The following CALM3 variants were observed in gnomAD, a reference collection of about 807,000 sequenced individuals.
The protein encoded by CALM3 is calmodulin 3, also known as calmodulin-3.
A neutral mutation model predicts 20.1 loss-of-function variants in CALM3; 5 were observed. The observed-to-expected ratio is 0.25, with a 90% CI of 0.13 to 0.52. The LOEUF (loss-of-function observed/expected upper bound fraction) is 0.52. CALM3 is among the 20% of genes least tolerant of loss of function. The pLI, the probability that CALM3 is intolerant of heterozygous loss-of-function variation, is 0.96. For missense variants in CALM3, 57 were observed against 192.8 expected (o/e 0.30, Z 4.17); for synonymous variants, 69 against 68.1 (o/e 1.01, Z -0.06).
rs565677645 is a variant in CALM3 at position 46,608,101 on chromosome 19, CCCTTGGCCTTCCT to C, written c.35-93_35-81del. ...TCAGTTTCTTTAGGTGGGACTGATG[CCCTTGGCCTTCCT>C]CCAGGGAAGGCATCCAGCATCCAGA... On this transcript the variant is annotated intron_variant, in intron 2 of 5. Transcript: ENST00000291295. The surrounding 1 kb of genome is among the most constrained non-coding windows in gnomAD (Gnocchi z 5.5). 2.5e-4 allele frequency: 298 copies of C among 1,197,128 alleles called. 1 individual carries two copies. The African/African-American group carries it at 4.3e-3, about 17-fold the overall frequency. The allele number at this position is 1,197,128 out of a possible 1,614,324, so 74.2% of individuals were successfully genotyped here. A position where few individuals can be genotyped will look rare whatever the true frequency, so the allele number is the denominator to read the frequency against.
In CALM3 at chr19:46,609,528, TG is replaced by T; in HGVS notation, c.*379del. Reference sequence around the variant, plus strand: ...TTGTTTGTCATCTTATTTTGGGTGCTGGGGTGGCTGCCAGCCCTGTCCCGGG... The same window carrying T: ...TTGTTTGTCATCTTATTTTGGGTGCTGGGTGGCTGCCAGCCCTGTCCCGGG... On this transcript the variant is annotated 3_prime_UTR_variant, in exon 6 of 6. Transcript: ENST00000291295. 1 of 274,430 alleles carries T rather than the reference TG, an allele frequency of 3.6e-6. No homozygotes were observed. The highest frequency in any genetic ancestry group is 5.0e-5 in the South Asian group (1 of 20,050). The allele number at this position is 274,430 out of a possible 1,614,324, so 17.0% of individuals were successfully genotyped here.
chr19:46,604,500 C>A (rs1251592569), intron 1 of CALM3, among the ~76,000 whole-genome samples: 3 of 151,906 alleles, frequency 2.0e-5, no homozygotes, highest in Non-Finnish European at 2.9e-5. Flanking sequence ...TTTTGATTAC[C>A]CCTCCCATTC....
In CALM3 at chr19:46,609,386, A is replaced by ATC; in HGVS notation, c.*234_*235dup. 1.7e-6 allele frequency: 1 copy of ATC among 596,770 alleles called. No individual in the cohort carries two copies. The highest frequency in any genetic ancestry group is 2.1e-5 in the South Asian group (1 of 48,252). The allele number at this position is 596,770 out of a possible 1,614,324, so 37.0% of individuals were successfully genotyped here. On this transcript the variant is annotated 3_prime_UTR_variant, in exon 6 of 6. Transcript: ENST00000291295. ...TCTTCCTTTTGCCCTCGCCTCTTCC[A>ATC]TCCATGTCTTCCAAGGCCTGATGCA... is the stretch of plus-strand genomic sequence containing the variant.
intron 2 of CALM3, among the ~76,000 whole-genome samples, chr19:46,606,754 C>A (rs936759648): frequency 5.9e-5 from 9 of 152,180 alleles, no homozygotes; most frequent in African/African-American, 1.4e-4. Flanking sequence ...TGTGTAATTA[C>A]AGATCCGTGC....
chr19:46,607,005 C>T (rs1971756514), intron 2 of CALM3, among the ~76,000 whole-genome samples: 1 of 152,220 alleles, frequency 6.6e-6, no homozygotes, highest in Admixed American at 6.5e-5. Flanking sequence ...TTTCTCCCCT[C>T]AACCCGCATC....
rs1341768382 is a variant in CALM3, at chr19:46,609,058, GT to G, written c.422-65del. On this transcript the variant is annotated intron_variant, in intron 5 of 5. Coordinates refer to ENST00000291295, the MANE Select transcript of CALM3 (RefSeq NM_005184.4). ...AGGAACAAGCCCCCAGATCCCTCTT[GT>G]TGGGGAGGGCCGCTCGCCACTTAGC... The G allele has an allele frequency of 4.3e-6, 7 of 1,613,142 alleles. No individual in the cohort carries two copies. The African/African-American group carries it at 8.0e-5, about 18-fold the overall frequency.
chr19:46,606,096 C>T (rs1416775396), intron 2 of CALM3: 3 of 483,528 alleles, frequency 6.2e-6, no homozygotes, highest in Admixed American at 3.7e-5. Context: ...GTGTTCCTCT[C>T]CTGGGCCTGG....
In CALM3 at chr19:46,609,407, A is replaced by T. The variant is rs1469896995; in HGVS notation, c.*254A>T. ...TTCCATCCATGTCTTCCAAGGCCTG[A>T]TGCATTCATAAGTTGAAGCCCTCCC... On this transcript the variant is annotated 3_prime_UTR_variant, in exon 6 of 6. Transcript: ENST00000291295. 4 of 570,808 alleles carry T rather than the reference A, an allele frequency of 7.0e-6. No homozygotes were observed. The highest frequency in any genetic ancestry group is 9.4e-6 in the Non-Finnish European group (3 of 320,298). 35.4% of individuals were successfully genotyped at this position (570,808 alleles called of 1,614,324 possible).
At position 46,609,254 on chromosome 19, in the gene CALM3, A is replaced by C; in HGVS notation, c.*101A>C. 9.6e-7 allele frequency: 1 copy of C among 1,040,506 alleles called. No homozygotes were observed. The highest frequency in any genetic ancestry group is 1.5e-6 in the Non-Finnish European group (1 of 681,582). The allele number at this position is 1,040,506 out of a possible 1,614,324, so 64.5% of individuals were successfully genotyped here. A position where few individuals can be genotyped will look rare whatever the true frequency, so the allele number is the denominator to read the frequency against. On this transcript the variant is annotated 3_prime_UTR_variant, in exon 6 of 6. Coordinates refer to ENST00000291295, the MANE Select transcript of CALM3 (RefSeq NM_005184.4). Reference sequence around the variant, plus strand: ...CCCCTGCGTACCCCGGTTCTAGCAAACACCAATTGATTGACTGAGAATCTG... The same window carrying C: ...CCCCTGCGTACCCCGGTTCTAGCAACCACCAATTGATTGACTGAGAATCTG...
upstream of CALM3, chr19:46,601,150 G>C: frequency 1.6e-6 from 1 of 612,882 alleles, no homozygotes; most frequent in Non-Finnish European, 2.7e-6. The surrounding 1 kb of genome is among the most constrained non-coding windows in gnomAD (Gnocchi z 4.2). Context: ...TGTGCAGGGT[G>C]GGGACGAGAG....
Position 46,601,458 on chromosome 19 carries a change from G to A in CALM3, c.3+21G>A. On this transcript the variant is annotated intron_variant, in intron 1 of 5. Transcript: ENST00000291295. This position sits in a 1 kb window ranked among gnomAD's most constrained non-coding sequence, Gnocchi z 4.2. ...CCATGGTGAGTGAGGCTGGGGGGTC[G>A]CCGAGGCTGCGGGCTCTGAGGCGGG... 1 of 1,488,674 alleles carries A rather than the reference G, an allele frequency of 6.7e-7. No individual in the cohort carries two copies. The highest frequency in any genetic ancestry group is 8.9e-7 in the Non-Finnish European group (1 of 1,119,070). The allele number at this position is 1,488,674 out of a possible 1,614,324, so 92.2% of individuals were successfully genotyped here. A position where few individuals can be genotyped will look rare whatever the true frequency, so the allele number is the denominator to read the frequency against.
rs902082630 is a variant in CALM3, at chr19:46,609,219, C to T, written c.*66C>T. The T allele has an allele frequency of 2.6e-5, 38 of 1,449,792 alleles. No individual in the cohort carries two copies. The Middle Eastern group carries it at 5.2e-4, about 20-fold the overall frequency. The allele number at this position is 1,449,792 out of a possible 1,614,324, so 89.8% of individuals were successfully genotyped here. The stretch of plus-strand genomic sequence containing the variant: ...CTCTCTTCTCGCGCGCGCACTCTCT[C>T]TTCAACACTCCCCTGCGTACCCCGG... On this transcript the variant is annotated 3_prime_UTR_variant, in exon 6 of 6. Transcript: ENST00000291295.
intron 2 of CALM3, among the ~76,000 whole-genome samples, chr19:46,606,802 G>C (rs1049874554): frequency 1.3e-5 from 2 of 152,172 alleles, no homozygotes; most frequent in East Asian, 1.9e-4. Flanking sequence ...CGAGGACAGA[G>C]AGCAACTCTT....
Position 46,609,945 on chromosome 19 carries a change from C to G in CALM3, c.*792C>G, listed in dbSNP as rs1056904952. 2.0e-5 allele frequency: 3 copies of G among 152,794 alleles called. No homozygotes were observed. In the Admixed American group the frequency reaches 2.0e-4, roughly 10 times the overall value. The allele number at this position is 152,794 out of a possible 1,614,324, so 9.5% of individuals were successfully genotyped here. Reference sequence around the variant, plus strand: ...TTCTGTAAATACCTGGTGCTAACATCCCATGCCGCTCCCTCCTCACGATGC... The same window carrying G: ...TTCTGTAAATACCTGGTGCTAACATGCCATGCCGCTCCCTCCTCACGATGC... On this transcript the variant is annotated 3_prime_UTR_variant, in exon 6 of 6. Coordinates refer to ENST00000291295, the MANE Select transcript of CALM3 (RefSeq NM_005184.4).
Position 46,605,926 on chromosome 19 carries a change from G to A in CALM3, c.34+69G>A. 1 of 1,406,698 alleles carries A rather than the reference G, an allele frequency of 7.1e-7. No individual in the cohort carries two copies. Among genetic ancestry groups the A allele is most frequent in the South Asian group, 1.2e-5 (1 of 86,698 alleles). The allele number at this position is 1,406,698 out of a possible 1,614,324, so 87.1% of individuals were successfully genotyped here. On this transcript the variant is annotated intron_variant, in intron 2 of 5. Transcript: ENST00000291295. The surrounding 1 kb of genome is among the most constrained non-coding windows in gnomAD (Gnocchi z 4.1). ...CATCCCCAGCCAAATCTTAGCCACTGAGGAGTGACATCTGATGGGTGAACC... is the reference window on the plus strand; with the variant it reads ...CATCCCCAGCCAAATCTTAGCCACTAAGGAGTGACATCTGATGGGTGAACC...
chr19:46,605,695 A>C lies in CALM3; in HGVS notation c.4-132A>C, dbSNP rs1971727802. 1 of 787,114 alleles carries C rather than the reference A, an allele frequency of 1.3e-6. No individual in the cohort carries two copies. Among genetic ancestry groups the C allele is most frequent in the South Asian group, 1.5e-5 (1 of 65,744 alleles). 48.8% of individuals were successfully genotyped at this position (787,114 alleles called of 1,614,324 possible). A position where few individuals can be genotyped will look rare whatever the true frequency, so the allele number is the denominator to read the frequency against. On this transcript the variant is annotated intron_variant, in intron 1 of 5. Coordinates refer to ENST00000291295, the MANE Select transcript of CALM3 (RefSeq NM_005184.4). This position sits in a 1 kb window ranked among gnomAD's most constrained non-coding sequence, Gnocchi z 4.1. Reference sequence around the variant, plus strand: ...CTCTGCCTCAGACCCTGACTCTGGCATGCTCCTCCCTGGCCCGGCGGGAAT... The same window carrying C: ...CTCTGCCTCAGACCCTGACTCTGGCCTGCTCCTCCCTGGCCCGGCGGGAAT...
At position 46,601,959 on chromosome 19, in the gene CALM3, G is replaced by C. The variant is rs1359333246; in HGVS notation, c.3+522G>C. ...TAGCTGGGCCCGGGCGGGGAGGGGCGACCCCTGGGCTCCTGTGGAGCAGAG... is the reference window on the plus strand; with the variant it reads ...TAGCTGGGCCCGGGCGGGGAGGGGCCACCCCTGGGCTCCTGTGGAGCAGAG... On this transcript the variant is annotated intron_variant, in intron 1 of 5. Transcript: ENST00000291295. The surrounding 1 kb of genome is among the most constrained non-coding windows in gnomAD (Gnocchi z 4.2). The C allele has an allele frequency of 7.6e-5, 40 of 525,614 alleles. No individual in the cohort carries two copies. The highest frequency in any genetic ancestry group is 1.1e-4 in the Admixed American group (3 of 26,504). 32.6% of individuals were successfully genotyped at this position (525,614 alleles called of 1,614,324 possible). A position where few individuals can be genotyped will look rare whatever the true frequency, so the allele number is the denominator to read the frequency against.
At chr19:46,602,194 G>C (rs751478167) in intron 1 of CALM3, 1 of 1,355,812 alleles carries the variant, frequency 7.4e-7, no homozygotes, top group Non-Finnish European at 9.8e-7. Flanking sequence ...GGGTCGTGGA[G>C]GTGGTGAAAA....
chr19:46,609,170 T>G lies in CALM3; in HGVS notation c.*17T>G, dbSNP rs763262846. 1 of 1,613,314 alleles carries G rather than the reference T, an allele frequency of 6.2e-7. No homozygotes were observed. The highest frequency in any genetic ancestry group is 1.1e-5 in the South Asian group (1 of 90,954). On this transcript the variant is annotated 3_prime_UTR_variant, in exon 6 of 6. Coordinates refer to ENST00000291295, the MANE Select transcript of CALM3 (RefSeq NM_005184.4). Reference sequence around the variant, plus strand: ...GCAAAGTGAAGGCCCCCCGGGCAGCTGGCGATGCCCGTTCTCTTGATCTCT... The same window carrying G: ...GCAAAGTGAAGGCCCCCCGGGCAGCGGGCGATGCCCGTTCTCTTGATCTCT...
Sources: allele counts gnomAD v4.1 joint callset (sites outside exome capture counted in the v4.1 genomes callset), GRCh38; gene constraint gnomAD v4.1.1; non-coding constraint Gnocchi (gnomAD v3.1); transcripts MANE v1.5; gene names NCBI Gene and HGNC (gene_info 2026-07-23, HGNC 2026-07-21).